CACNB2: variants seen among roughly 807,000 people sequenced by gnomAD.
CACNB2 encodes the protein voltage-dependent L-type calcium channel subunit beta-2.
Under a neutral mutation model 73.3 loss-of-function variants are expected in CACNB2, and 42 were observed. That is an observed-to-expected ratio of 0.57 (90% CI 0.45 to 0.74). CACNB2 has a LOEUF of 0.74. CACNB2 is among the 30% of genes least tolerant of loss of function. CACNB2 has a pLI of 0.00. For synonymous variants in CACNB2, 348 were observed against 310.3 expected (o/e 1.12, Z -1.28); for missense variants, 940 against 853.0 (o/e 1.10, Z -1.27).
chr10:18,438,389 C>G (rs1427712640), intron 3 of CACNB2, among the ~76,000 whole-genome samples: 1 of 152,030 alleles, frequency 6.6e-6, no homozygotes, highest in African/African-American at 2.4e-5. Flanking sequence ...TGCTCTGAAC[C>G]CTGGACTCTC....
At chr10:18,309,846 T>C (rs2039890229) in intron 2 of CACNB2, among the ~76,000 whole-genome samples, 1 of 152,188 alleles carries the variant, frequency 6.6e-6, no homozygotes, top group South Asian at 2.1e-4. Flanking sequence ...ATGAGGAAGG[T>C]GTGTGTTTTC....
chr10:18,196,451 G>T (rs564356631), intron 2 of CACNB2, among the ~76,000 whole-genome samples: 4 of 152,024 alleles, frequency 2.6e-5, no homozygotes, highest in African/African-American at 9.6e-5. Flanking sequence ...CGAGTAGCTG[G>T]GACTACAGGG....
chr10:18,331,029 A>G (rs549348052), intron 2 of CACNB2, among the ~76,000 whole-genome samples: 1 of 147,286 alleles, frequency 6.8e-6, no homozygotes, highest in East Asian at 2.0e-4. Context: ...CTCTGTTGCC[A>G]GGCTGGAGTG....
At chr10:18,158,900 T>C (rs2131078664) in intron 2 of CACNB2, among the ~76,000 whole-genome samples, 1 of 152,306 alleles carries the variant, frequency 6.6e-6, no homozygotes, top group African/African-American at 2.4e-5. Flanking sequence ...GGGAAAAATA[T>C]GTACATCTGC....
intron 3 of CACNB2, among the ~76,000 whole-genome samples, chr10:18,427,430 G>A (rs977270288): frequency 5.3e-5 from 8 of 152,090 alleles, no homozygotes; most frequent in Non-Finnish European, 1.0e-4. Flanking sequence ...AGGGAAACTG[G>A]CCTCTAATTT....
intron 2 of CACNB2, among the ~76,000 whole-genome samples, chr10:18,228,433 C>CAAAAAAAAAAAAAAAAAAAAA (rs1164745930): frequency 7.5e-4 from 26 of 34,794 alleles, no homozygotes; most frequent in Non-Finnish European, 8.7e-4. Context: ...AACTCTACCT[C>CAAAAAAAAAAAAAAAAAAAAA]AAAAAAAAAA....
intron 3 of CACNB2, among the ~76,000 whole-genome samples, chr10:18,402,710 C>G (rs1195088295): frequency 6.6e-6 from 1 of 152,186 alleles, no homozygotes; most frequent in Non-Finnish European, 1.5e-5. Flanking sequence ...GATTTGAATT[C>G]TTTCTCCCAT....
chr10:18,272,474 G>C (rs555390912), intron 2 of CACNB2, among the ~76,000 whole-genome samples: 2 of 152,126 alleles, frequency 1.3e-5, no homozygotes, highest in Non-Finnish European at 2.9e-5. Flanking sequence ...TAATTTAAAA[G>C]ATAGAATTTA....
chr10:18,461,393 T>C (rs1025599122), intron 3 of CACNB2, among the ~76,000 whole-genome samples: 1 of 152,208 alleles, frequency 6.6e-6, no homozygotes, highest in Non-Finnish European at 1.5e-5. Context: ...AACTTTCTTG[T>C]TTGATAGCAT....
chr10:18,343,907 G>T (rs971147886), intron 2 of CACNB2, among the ~76,000 whole-genome samples: 4 of 152,032 alleles, frequency 2.6e-5, no homozygotes, highest in African/African-American at 9.7e-5. Flanking sequence ...TTATCAAAGT[G>T]GTCCTCAACT....
chr10:18,372,262 A>T (rs1186048507), intron 2 of CACNB2, among the ~76,000 whole-genome samples: 1 of 152,042 alleles, frequency 6.6e-6, no homozygotes, highest in Non-Finnish European at 1.5e-5. Context: ...GGTGTTTTAG[A>T]CATGAAGTCC....
At chr10:18,214,854 G>A (rs1294707562) in intron 2 of CACNB2, among the ~76,000 whole-genome samples, 1 of 152,138 alleles carries the variant, frequency 6.6e-6, no homozygotes, top group Non-Finnish European at 1.5e-5. Flanking sequence ...CAACAACTGG[G>A]ATGGCTGTGC....
intron 2 of CACNB2, among the ~76,000 whole-genome samples, chr10:18,315,485 A>C (rs555502364): frequency 9.5e-6 from 1 of 105,526 alleles, no homozygotes; most frequent in Non-Finnish European, 1.8e-5. Context: ...GCAAAAAGAG[A>C]CCTTGTCTCT....
In CACNB2 at chr10:18,384,198, G is replaced by A. The variant is rs1009099252; in HGVS notation, c.214-17726G>A. Among the ~76,000 whole-genome samples the A allele has an allele frequency of 1.8e-4, 27 of 152,148 alleles. 1 individual carries two copies. Among genetic ancestry groups the A allele is most frequent in the Non-Finnish European group, 5.9e-5 (4 of 68,024 alleles). On this transcript the variant is annotated intron_variant, in intron 2 of 13. Transcript: ENST00000324631. ...AAGATCAATAGGACCAGCATATGGT[G>A]TCTTGGCCATATCATCACGATCTGT...
chr10:18,275,988 G>A lies in CACNB2; in HGVS notation c.213+125013G>A, dbSNP rs180914148. ...GTTCAGATTTAATGAGGAAATTCTG[G>A]TTCAGCTTTTCTTTATTCCTTGTCT... On this transcript the variant is annotated intron_variant, in intron 2 of 13. Coordinates refer to ENST00000324631, the MANE Select transcript of CACNB2 (RefSeq NM_201596.3). Among the ~76,000 whole-genome samples the A allele has an allele frequency of 1.4e-3, 213 of 152,222 alleles. 1 individual carries two copies. Among genetic ancestry groups the A allele is most frequent in the African/African-American group, 4.6e-3 (193 of 41,528 alleles).
intron 3 of CACNB2, among the ~76,000 whole-genome samples, chr10:18,415,317 A>G (rs2044882009): frequency 6.6e-6 from 1 of 152,050 alleles, no homozygotes; most frequent in Non-Finnish European, 1.5e-5. Flanking sequence ...ATAAGCAAAA[A>G]TAGTTAGGTA....
chr10:18,152,933 TG>T (rs1215093359), intron 2 of CACNB2, among the ~76,000 whole-genome samples: 1 of 152,160 alleles, frequency 6.6e-6, no homozygotes, highest in African/African-American at 2.4e-5. Flanking sequence ...AGGCAGTCAC[TG>T]GACTCCATTT....
intron 3 of CACNB2, among the ~76,000 whole-genome samples, chr10:18,472,142 C>CT (rs1474417079): frequency 6.6e-6 from 1 of 150,888 alleles, no homozygotes; most frequent in Admixed American, 6.6e-5. Context: ...TTCTGCTTGT[C>CT]TTGAGCCCCA....
Position 18,331,318 on chromosome 10 carries a change from A to G in CACNB2, c.214-70606A>G, listed in dbSNP as rs2040798557. On this transcript the variant is annotated intron_variant, in intron 2 of 13. Transcript: ENST00000324631. ...TTTTGATTAGATGATGCTGGGCACA[A>G]TGGCACACACCCATTGTCCTAGATA... Among the ~76,000 whole-genome samples the G allele has an allele frequency of 7.9e-5, 12 of 151,968 alleles. No individual in the cohort carries two copies. The South Asian group carries it at 2.5e-3, about 32-fold the overall frequency.
Sources: allele counts gnomAD v4.1 joint callset (sites outside exome capture counted in the v4.1 genomes callset), GRCh38; gene constraint gnomAD v4.1.1; transcripts MANE v1.5; gene names NCBI Gene and HGNC (gene_info 2026-07-23, HGNC 2026-07-21).